Variants in OSBPL8 observed in about 807,000 individuals in gnomAD.
OSBPL8 encodes oxysterol-binding protein-related protein 8.
Under a neutral mutation model 125.5 loss-of-function variants are expected in OSBPL8, and 59 were observed. The ratio of observed to expected loss-of-function variants is 0.47; its 90% CI spans 0.38 to 0.58. The LOEUF is 0.58. Ranked by LOEUF, OSBPL8 falls within the 20% of genes least tolerant of loss-of-function variation. The pLI, the probability that OSBPL8 is intolerant of heterozygous loss-of-function variation, is 0.00. For synonymous variants in OSBPL8, 330 were observed against 338.9 expected, an observed-to-expected ratio of 0.97 and a Z score of 0.29; for missense variants, 758 against 1,047.8, an observed-to-expected ratio of 0.72 and a Z score of 3.82.
At chr12:76,381,579 G>A (rs534195800) in intron 15 of OSBPL8, among the ~76,000 whole-genome samples, 121 of 152,102 alleles carry the variant, frequency 8.0e-4, no homozygotes, top group African/African-American at 2.6e-3. Context: ...TTATCCTGAC[G>A]TACTGAACCT....
intron 1 of OSBPL8, among the ~76,000 whole-genome samples, chr12:76,509,661 G>A (rs1306893640): frequency 6.6e-6 from 1 of 152,040 alleles, no homozygotes; most frequent in Non-Finnish European, 1.5e-5. Context: ...AAGAAAAGCA[G>A]AAAAATGATG....
intron 2 of OSBPL8, among the ~76,000 whole-genome samples, chr12:76,479,307 C>T (rs1018644944): frequency 6.6e-6 from 1 of 152,112 alleles, no homozygotes; most frequent in Non-Finnish European, 1.5e-5. Flanking sequence ...CAAAACATCC[C>T]ATATATCCCA....
chr12:76,437,623 G>C (rs759843303), intron 4 of OSBPL8, among the ~76,000 whole-genome samples: 30 of 152,044 alleles, frequency 2.0e-4, no homozygotes, highest in Non-Finnish European at 1.6e-4. Flanking sequence ...AGAGTATCTT[G>C]ACTCTTCTTT....
chr12:76,516,817 C>CTTTTTT (rs71668730), intron 1 of OSBPL8, among the ~76,000 whole-genome samples: 1 of 130,824 alleles, frequency 7.6e-6, no homozygotes, highest in Admixed American at 7.5e-5. Flanking sequence ...CTTTTCTTTT[C>CTTTTTT]TTTTTTTTTT....
chr12:76,412,566 G>A (rs1868273151), intron 4 of OSBPL8, among the ~76,000 whole-genome samples: 1 of 151,870 alleles, frequency 6.6e-6, no homozygotes, highest in African/African-American at 2.4e-5. Flanking sequence ...TCATTTATCA[G>A]CAATAATGAT....
chr12:76,507,492 A>T (rs1468805852), intron 1 of OSBPL8, among the ~76,000 whole-genome samples: 1 of 151,624 alleles, frequency 6.6e-6, no homozygotes, highest in East Asian at 1.9e-4. Context: ...TTTCTGTTTT[A>T]TTACACTCAT....
chr12:76,554,117 C>T (rs545097531), intron 1 of OSBPL8, among the ~76,000 whole-genome samples: 2 of 151,688 alleles, frequency 1.3e-5, no homozygotes, highest in Non-Finnish European at 1.5e-5. Flanking sequence ...CCAGTTACTC[C>T]GAAATTCTCT....
At chr12:76,394,871 C>T (rs1427969186) in intron 8 of OSBPL8, 142 bp from the exon 9 acceptor site, 1 of 555,422 alleles carries the variant, frequency 1.8e-6, no homozygotes, top group African/African-American at 2.0e-5. Flanking sequence ...TTTCATCATT[C>T]TTGAGAATGC....
intron 17 of OSBPL8, among the ~76,000 whole-genome samples, chr12:76,374,645 C>T (rs1360855753): frequency 6.6e-6 from 1 of 152,064 alleles, no homozygotes; most frequent in Non-Finnish European, 1.5e-5. Context: ...CCTTCGGTCA[C>T]CCTAGACCAG....
intron 1 of OSBPL8, among the ~76,000 whole-genome samples, chr12:76,529,258 A>C (rs1268866474): frequency 3.3e-5 from 5 of 152,222 alleles, no homozygotes; most frequent in African/African-American, 9.6e-5. Flanking sequence ...ATACAAGATA[A>C]TGCTAAAACT....
chr12:76,373,750 C>T (rs1000425274), intron 17 of OSBPL8, among the ~76,000 whole-genome samples: 1 of 151,700 alleles, frequency 6.6e-6, no homozygotes, highest in African/African-American at 2.4e-5. Flanking sequence ...CAAGACTGTG[C>T]CCTATCAATG....
chr12:76,473,774 C>T (rs184154538), intron 2 of OSBPL8, among the ~76,000 whole-genome samples: 1 of 152,152 alleles, frequency 6.6e-6, no homozygotes, highest in African/African-American at 2.4e-5. Flanking sequence ...CCTGTATGAT[C>T]TGATTCAAAG....
chr12:76,399,085 C>T (rs1438094984), intron 7 of OSBPL8, among the ~76,000 whole-genome samples: 1 of 152,154 alleles, frequency 6.6e-6, no homozygotes, highest in Non-Finnish European at 1.5e-5. Context: ...GTGTTATTAG[C>T]ACAAGATCGA....
At chr12:76,446,537 C>A (rs1872738848) in intron 4 of OSBPL8, among the ~76,000 whole-genome samples, 1 of 152,078 alleles carries the variant, frequency 6.6e-6, no homozygotes, top group South Asian at 2.1e-4. Context: ...ACCGTGGCTG[C>A]TTTAAATTAG....
At chr12:76,386,902 T>C (rs954391279) in intron 12 of OSBPL8, among the ~76,000 whole-genome samples, 4 of 152,204 alleles carry the variant, frequency 2.6e-5, no homozygotes, top group Non-Finnish European at 5.9e-5. Flanking sequence ...TTCGCTAAAG[T>C]AGTTTTTGGA....
intron 18 of OSBPL8, among the ~76,000 whole-genome samples, chr12:76,372,616 T>C (rs1318107941): frequency 6.6e-6 from 1 of 152,192 alleles, no homozygotes; most frequent in South Asian, 2.1e-4. Flanking sequence ...CACTTTCTCA[T>C]ATTTCTCAAC....
At chr12:76,517,034 G>A (rs997344490) in intron 1 of OSBPL8, among the ~76,000 whole-genome samples, 32 of 151,882 alleles carry the variant, frequency 2.1e-4, no homozygotes, top group Non-Finnish European at 1.5e-5. Context: ...GCCTGGTCTC[G>A]AACTCCTGAC....
intron 1 of OSBPL8, among the ~76,000 whole-genome samples, chr12:76,501,261 A>T (rs933824757): frequency 7.9e-5 from 12 of 152,184 alleles, no homozygotes; most frequent in African/African-American, 2.9e-4. Flanking sequence ...CCTTCCCAAT[A>T]CAATTTTCAC....
At chr12:76,359,291 G>T (rs1592511983) in intron 21 of OSBPL8, among the ~76,000 whole-genome samples, 1 of 152,198 alleles carries the variant, frequency 6.6e-6, no homozygotes, top group East Asian at 1.9e-4. Flanking sequence ...CAGTAAAACG[G>T]TTTATTTACT....
Sources: allele counts gnomAD v4.1 joint callset (sites outside exome capture counted in the v4.1 genomes callset), GRCh38; gene constraint gnomAD v4.1.1; transcripts MANE v1.5; gene names NCBI Gene and HGNC (gene_info 2026-07-23, HGNC 2026-07-21).